OSBPL2: variants seen among roughly 807,000 people sequenced by gnomAD.
The protein encoded by OSBPL2 is oxysterol binding protein like 2, also known as oxysterol-binding protein-related protein 2.
A neutral mutation model predicts 58.4 loss-of-function variants in OSBPL2; 18 were observed. The ratio of observed to expected loss-of-function variants is 0.31; its 90% CI spans 0.21 to 0.46. The LOEUF is 0.46. Among genes scored for constraint, OSBPL2 ranks in the 20% least tolerant of loss-of-function variants. The pLI is 1.00. For missense variants in OSBPL2, 461 were observed against 616.5 expected (o/e 0.75, Z 2.67); for synonymous variants, 221 against 234.1 (o/e 0.94, Z 0.51).
intron 4 of OSBPL2, among the ~76,000 whole-genome samples, chr20:62,268,924 G>C (rs1981873168): frequency 6.6e-6 from 1 of 152,184 alleles, no homozygotes; most frequent in African/African-American, 2.4e-5. Context: ...GGGTGTGGCA[G>C]TGCATGCCTG....
chr20:62,284,299 A>G (rs771852949), intron 10 of OSBPL2, 130 bp downstream of exon 10: 1 of 1,002,072 alleles, frequency 1.0e-6, no homozygotes, highest in Non-Finnish European at 1.5e-6. Flanking sequence ...ATGAATGTGC[A>G]GAATTTGTCT....
intron 9 of OSBPL2, among the ~76,000 whole-genome samples, chr20:62,282,248 A>G (rs1224179186): frequency 6.6e-6 from 1 of 152,132 alleles, no homozygotes; most frequent in Non-Finnish European, 1.5e-5. Context: ...CCAGCACCCC[A>G]TGCACGTTGT....
In OSBPL2 at chr20:62,284,136, G is replaced by A; in HGVS notation, c.963G>A (p.Glu321=). The part of the protein sequence containing the change: ...PVSYESFKKQ[E]RRGDHLRKAK... ...CGTATGAATCCTTCAAGAAGCAGGA[G>A]AGGAGAGGTGACCACCTGAGAAAGG... The change falls in exon 10 of 14, where the codon GAG becomes GAA. Residue 321 remains glutamate (E), a synonymous_variant. Transcript: ENST00000313733. The A allele has an allele frequency of 6.2e-7, 1 of 1,614,198 alleles. No homozygotes were observed. Among genetic ancestry groups the A allele is most frequent in the Non-Finnish European group, 8.5e-7 (1 of 1,180,018 alleles).
At chr20:62,291,529 G>A (rs924875504) in intron 12 of OSBPL2, 174 bp from the exon 13 acceptor site, 22 of 658,070 alleles carry the variant, frequency 3.3e-5, no homozygotes, top group Middle Eastern at 3.9e-4. Flanking sequence ...TTGGCGTGCC[G>A]GCCGCTGTGG....
intron 4 of OSBPL2, among the ~76,000 whole-genome samples, chr20:62,270,208 C>T (rs181537070): frequency 1.3e-5 from 2 of 152,322 alleles, no homozygotes; most frequent in Non-Finnish European, 2.9e-5. Context: ...GACGAGGAGC[C>T]TGAGAGGCTT....
At position 62,293,688 on chromosome 20, in the gene OSBPL2, G is replaced by A. The variant is rs868296895; in HGVS notation, c.1341-97G>A. ...TTTTAAAACCCACGTTACCGTGATGGTGCTGAGTTGGGGGAACACACTCCT... is the reference window on the plus strand; with the variant it reads ...TTTTAAAACCCACGTTACCGTGATGATGCTGAGTTGGGGGAACACACTCCT... On this transcript the variant is annotated intron_variant, in intron 13 of 13. Transcript: ENST00000313733. 3.0e-6 allele frequency: 3 copies of A among 1,016,376 alleles called. No individual in the cohort carries two copies. The Middle Eastern group carries it at 8.1e-4, about 274-fold the overall frequency. 63.0% of individuals were successfully genotyped at this position (1,016,376 alleles called of 1,614,324 possible).
chr20:62,284,033 C>T lies in OSBPL2; in HGVS notation c.873-13C>T, dbSNP rs1183209817. On this transcript the variant is annotated splice_polypyrimidine_tract_variant and intron_variant, in intron 9 of 13. Transcript: ENST00000313733. ...GACTAAGACTTGTCTTTAAAAATCC[C>T]ATTTAATTACAGCAAAAAGAAGCTC... is the stretch of plus-strand genomic sequence containing the variant. 3 of 1,607,312 alleles carry T rather than the reference C, an allele frequency of 1.9e-6. No individual in the cohort carries two copies. The highest frequency in any genetic ancestry group is 2.6e-6 in the Non-Finnish European group (3 of 1,175,516).
At chr20:62,262,031 G>C (rs1248509285) in intron 3 of OSBPL2, among the ~76,000 whole-genome samples, 1 of 152,008 alleles carries the variant, frequency 6.6e-6, no homozygotes, top group African/African-American at 2.4e-5. Context: ...TGTGATTAAA[G>C]GTAGGAGCCA....
intron 1 of OSBPL2, among the ~76,000 whole-genome samples, chr20:62,240,850 A>C (rs2145907135): frequency 6.6e-6 from 1 of 152,254 alleles, no homozygotes; most frequent in East Asian, 1.9e-4. Flanking sequence ...CTTCCCTGCC[A>C]CCCAGCTCCT....
Position 62,277,111 on chromosome 20 carries a change from C to T in OSBPL2, c.492-2046C>T, listed in dbSNP as rs528293562. Among the ~76,000 whole-genome samples, 6 of 152,180 alleles carry T rather than the reference C, an allele frequency of 3.9e-5. No homozygotes were observed. In the South Asian group the frequency reaches 1.2e-3, roughly 32 times the overall value. ...TAAAAAATACAAAAAATTAGCCGGG[C>T]GTGGTGGCGGGTGCCTGTAATCCCA... On this transcript the variant is annotated intron_variant, in intron 6 of 13. Transcript: ENST00000313733.
intron 2 of OSBPL2, among the ~76,000 whole-genome samples, chr20:62,259,643 C>T (rs953096826): frequency 6.6e-6 from 1 of 152,212 alleles, no homozygotes; most frequent in African/African-American, 2.4e-5. Flanking sequence ...AGAAGTGGCC[C>T]ACCCAGAGCA....
At chr20:62,290,998 A>G (rs111431426) in intron 12 of OSBPL2, among the ~76,000 whole-genome samples, 4,371 of 152,144 alleles carry the variant, frequency 0.029, 88 homozygotes, top group Non-Finnish European at 0.044. Flanking sequence ...TTGGCCTCCT[A>G]AAGTGCTGGG....
chr20:62,257,862 C>T (rs1306610028), intron 2 of OSBPL2, among the ~76,000 whole-genome samples: 2 of 152,020 alleles, frequency 1.3e-5, no homozygotes, highest in Admixed American at 6.6e-5. Flanking sequence ...TTACAGACGC[C>T]CACCACCACG....
chr20:62,251,865 C>CTTTTTTTTTTTTTTTTTTTTTTTTTTTTT (rs147891445), intron 1 of OSBPL2, among the ~76,000 whole-genome samples: 1 of 41,738 alleles, frequency 2.4e-5, no homozygotes, highest in Non-Finnish European at 4.0e-5. Context: ...ATTGGTATGC[C>CTTTTTTTTTTTTTTTTTTTTTTTTTTTTT]TTTTTTTTTT....
chr20:62,278,443 A>G (rs1236307427), intron 6 of OSBPL2: 75 of 149,488 alleles, frequency 5.0e-4, no homozygotes, highest in Middle Eastern at 3.6e-3. Context: ...ACGTTAGGCC[A>G]AGTGTGATGT....
At chr20:62,290,606 G>C (rs1191379995) in intron 12 of OSBPL2, among the ~76,000 whole-genome samples, 1 of 151,400 alleles carries the variant, frequency 6.6e-6, no homozygotes, top group Non-Finnish European at 1.5e-5. Context: ...TATTTTAGTA[G>C]AGACAGGGTT....
Position 62,273,192 on chromosome 20 carries a change from G to T in OSBPL2, c.394-117G>T, listed in dbSNP as rs6061476. Reference sequence around the variant, plus strand: ...ACACTGCTCGGGGAAAACTGAAAACGCACACGGAACAAATAGTGACAGAAA... The same window carrying T: ...ACACTGCTCGGGGAAAACTGAAAACTCACACGGAACAAATAGTGACAGAAA... On this transcript the variant is annotated intron_variant, in intron 5 of 13. Coordinates refer to ENST00000313733, the MANE Select transcript of OSBPL2 (RefSeq NM_144498.4). The T allele has an allele frequency of 1, 792,760 of 796,290 alleles. 394,687 individuals are homozygous for T. The highest frequency in any genetic ancestry group is 1 in the East Asian group (36,572 of 36,572). The allele number at this position is 796,290 out of a possible 1,614,324, so 49.3% of individuals were successfully genotyped here.
chr20:62,240,311 G>A (rs1338114172), intron 1 of OSBPL2, among the ~76,000 whole-genome samples: 2 of 152,204 alleles, frequency 1.3e-5, no homozygotes, highest in African/African-American at 4.8e-5. Context: ...GGCAATGAGT[G>A]AGTGAGTGAC....
intron 2 of OSBPL2, among the ~76,000 whole-genome samples, chr20:62,259,467 A>G (rs1981150691): frequency 6.6e-6 from 1 of 152,088 alleles, no homozygotes; most frequent in African/African-American, 2.4e-5. Context: ...TGGCATTTCC[A>G]TGATTGTTCC....
Sources: gnomAD v4.1 joint callset for allele counts (sites outside exome capture counted in the v4.1 genomes callset) on GRCh38, gnomAD v4.1.1 for gene constraint, MANE v1.5 for transcripts, NCBI Gene and HGNC (gene_info 2026-07-23, HGNC 2026-07-21) for gene names.